EHD1: variants seen among roughly 807,000 people sequenced by gnomAD.
EHD1 encodes the protein EH domain-containing protein 1.
A neutral mutation model predicts 39.0 loss-of-function variants in EHD1; 19 were observed. The observed-to-expected ratio is 0.49, with a 90% CI of 0.34 to 0.72. EHD1 has a LOEUF of 0.72. Ranked by LOEUF, EHD1 falls within the 30% of genes least tolerant of loss-of-function variation. The probability of loss-of-function intolerance (pLI) is 0.01; values close to 1 mark genes in which losing one functional copy is unlikely to be tolerated. For missense variants in EHD1, 542 were observed against 751.5 expected (o/e 0.72, Z 3.26); for synonymous variants, 323 against 331.2 (o/e 0.98, Z 0.27).
chr11:64,865,605 A>C (rs1943759466), intron 2 of EHD1, among the ~76,000 whole-genome samples: 1 of 152,232 alleles, frequency 6.6e-6, no homozygotes, highest in Non-Finnish European at 1.5e-5. Context: ...AGTGAGTAAA[A>C]GCCAGAGCCC....
In EHD1 at chr11:64,854,543, G is replaced by A; in HGVS notation, c.1395C>T (p.Ala465=). 6 of 1,614,172 alleles carry A rather than the reference G, an allele frequency of 3.7e-6. No individual in the cohort carries two copies. The highest frequency in any genetic ancestry group is 5.1e-6 in the Non-Finnish European group (6 of 1,180,004). The change falls in exon 5 of 5, where the codon GCC becomes GCT. Residue 465 remains alanine (A), a synonymous_variant. Coordinates refer to ENST00000320631, the MANE Select transcript of EHD1 (RefSeq NM_006795.4). ...LSPVNGKITG[A]NAKKEMVKSK... ...ACTTCACCATCTCCTTCTTGGCGTT[G>A]GCGCCCGTGATCTTGCCGTTGACAG...
intron 2 of EHD1, among the ~76,000 whole-genome samples, chr11:64,871,305 G>C (rs1169700836): frequency 1.3e-5 from 2 of 152,178 alleles, no homozygotes; most frequent in Non-Finnish European, 1.5e-5. Flanking sequence ...GCAGTAGCAG[G>C]TGGCCAGCCC....
chr11:64,866,292 C>T (rs1416354594), intron 2 of EHD1, among the ~76,000 whole-genome samples: 1 of 152,154 alleles, frequency 6.6e-6, no homozygotes, highest in African/African-American at 2.4e-5. Flanking sequence ...CACCAAATAC[C>T]GCATGTTCTC....
At position 64,878,502 on chromosome 11, in the gene EHD1, G is replaced by A. The variant is rs749775150; in HGVS notation, c.-38C>T. On this transcript the variant is annotated 5_prime_UTR_variant, in exon 1 of 5. Coordinates refer to ENST00000320631, the MANE Select transcript of EHD1 (RefSeq NM_006795.4). ...GGGGCTGGCTGCTGCGGGGCAGAGC[G>A]GCGGCTGAGAGCGGGGCGAGGGTGC... 2 of 1,558,180 alleles carry A rather than the reference G, an allele frequency of 1.3e-6. No individual in the cohort carries two copies. Among genetic ancestry groups the A allele is most frequent in the South Asian group, 2.4e-5 (2 of 83,638 alleles).
chr11:64,860,101 G>A lies in EHD1; in HGVS notation c.738C>T (p.Thr246=), dbSNP rs547652824. The A allele has an allele frequency of 6.2e-7, 1 of 1,614,166 alleles. No homozygotes were observed. The highest frequency in any genetic ancestry group is 2.2e-5 in the East Asian group (1 of 44,884). ...LMWSLGKIIN[T]PEVVRVYIGS... is the part of the protein sequence containing the mutation. ...CGATGTAGACCCTGACCACCTCGGG[G>A]GTGTTGATGATCTTGCCCAGGGACC... The change falls in exon 3 of 5, where the codon ACC becomes ACT. Residue 246 remains threonine (T), a synonymous_variant. Coordinates refer to ENST00000320631, the MANE Select transcript of EHD1 (RefSeq NM_006795.4).
Position 64,878,325 on chromosome 11 carries a change from G to T in EHD1, c.140C>A (p.Ser47Ter). The change falls in exon 1 of 5, where the codon TCG becomes TAG. Residue 47 changes from serine to a stop codon, truncating the protein, a stop_gained. Transcript: ENST00000320631. LOFTEE classifies it high-confidence loss of function. ...EEHYRFHEFH[S>*]PALEDADFDN... ...GAAGTCAGCGTCCTCCAGCGCGGGC[G>T]AGTGGAACTCGTGGAAGCGGTAGTG... 1 of 1,614,164 alleles carries T rather than the reference G, an allele frequency of 6.2e-7. No homozygotes were observed. The highest frequency in any genetic ancestry group is 8.5e-7 in the Non-Finnish European group (1 of 1,180,022).
rs764006187 is a variant in EHD1, at chr11:64,859,877, C to T, written c.915+47G>A. Reference sequence around the variant, plus strand: ...GCCCTGAGTGCCAGTCTCAGAGCCCCATGGCCCTGCCTGGCAATAGGCTGC... The same window carrying T: ...GCCCTGAGTGCCAGTCTCAGAGCCCTATGGCCCTGCCTGGCAATAGGCTGC... On this transcript the variant is annotated intron_variant, in intron 3 of 4. Coordinates refer to ENST00000320631, the MANE Select transcript of EHD1 (RefSeq NM_006795.4). The T allele has an allele frequency of 8.9e-6, 14 of 1,569,644 alleles. No individual in the cohort carries two copies. In the Middle Eastern group the frequency reaches 7.3e-4, roughly 81 times the overall value.
At position 64,854,408 on chromosome 11, in the gene EHD1, G is replaced by A; in HGVS notation, c.1530C>T (p.Val510=). 2 of 1,614,010 alleles carry A rather than the reference G, an allele frequency of 1.2e-6. No individual in the cohort carries two copies. Among genetic ancestry groups the A allele is most frequent in the Non-Finnish European group, 1.7e-6 (2 of 1,179,956 alleles). ...CGGGCAGCTCGTGGCCCTCCAGCTT[G>A]ACCTTGATGAGGTGGTTGGCCAGCG... ...EFALANHLIK[V]KLEGHELPAD... Residue 510 remains valine (V), a synonymous_variant, in exon 5 of 5, where the codon GTC becomes GTT. Transcript: ENST00000320631.
chr11:64,860,073 A>T lies in EHD1; in HGVS notation c.766T>A (p.Ser256Thr), dbSNP rs754012326. Residue 256 changes from serine (S) to threonine (T), a missense_variant, in exon 3 of 5, where the codon TCC becomes ACC. By Grantham distance (58) the Ser-to-Thr change is moderately conservative (BLOSUM62 1). Coordinates refer to ENST00000320631, the MANE Select transcript of EHD1 (RefSeq NM_006795.4). ...TPEVVRVYIG[S>T]FWSHPLLIPD... ...ATGAGGAGCGGGTGGGACCAGAAGG[A>T]GCCGATGTAGACCCTGACCACCTCG... The T allele has an allele frequency of 4.3e-6, 7 of 1,613,986 alleles. No homozygotes were observed. Among genetic ancestry groups the T allele is most frequent in the Non-Finnish European group, 8.5e-7 (1 of 1,180,014 alleles).
intron 2 of EHD1, among the ~76,000 whole-genome samples, chr11:64,865,887 G>A (rs1361702351): frequency 3.3e-5 from 5 of 152,152 alleles, no homozygotes; most frequent in African/African-American, 7.2e-5. Context: ...AGAGAAAAGG[G>A]AACATTTATA....
At chr11:64,879,570 TTTACCATCA>T, upstream of EHD1, 1 of 1,550,554 alleles carries the variant, frequency 6.4e-7, no homozygotes, top group Admixed American at 2.0e-5. Context: ...GTCACCACCA[TTTACCATCA>T]TTTACTGGGA....
chr11:64,875,627 A>G (rs1459092406), intron 1 of EHD1: 1 of 152,318 alleles, frequency 6.6e-6, no homozygotes. Context: ...TCTGTAGGAC[A>G]CAGACTTGAA....
At position 64,854,060 on chromosome 11, in the gene EHD1, G is replaced by A; in HGVS notation, c.*273C>T. 1 of 559,726 alleles carries A rather than the reference G, an allele frequency of 1.8e-6. No homozygotes were observed. Among genetic ancestry groups the A allele is most frequent in the South Asian group, 2.1e-5 (1 of 47,828 alleles). 34.7% of individuals were successfully genotyped at this position (559,726 alleles called of 1,614,324 possible). On this transcript the variant is annotated 3_prime_UTR_variant, in exon 5 of 5. Transcript: ENST00000320631. ...GGGCAGAGGCCGTGCACACAGGGCT[G>A]GCACACAGGGGAGGCGGCGACAAAG...
At chr11:64,866,075 C>T (rs1231620717) in intron 2 of EHD1, among the ~76,000 whole-genome samples, 2 of 152,154 alleles carry the variant, frequency 1.3e-5, no homozygotes, top group Admixed American at 1.3e-4. Flanking sequence ...CATTGCAGCA[C>T]TATTCACGAT....
At chr11:64,860,996 G>T (rs1168714494) in intron 2 of EHD1, among the ~76,000 whole-genome samples, 1 of 147,826 alleles carries the variant, frequency 6.8e-6, no homozygotes, top group Admixed American at 6.8e-5. Context: ...CTCCAGCCTG[G>T]GCAACAGTGT....
intron 2 of EHD1, among the ~76,000 whole-genome samples, chr11:64,872,282 G>A (rs1021831619): frequency 2.0e-5 from 3 of 152,130 alleles, no homozygotes; most frequent in Admixed American, 6.5e-5. Context: ...CCAACATGGC[G>A]AAACCCCATA....
In EHD1 at chr11:64,867,485, G is replaced by A. The variant is rs537434544; in HGVS notation, c.502+6936C>T. 1.9e-4 allele frequency among the ~76,000 whole-genome samples: 28 copies of A among 151,266 alleles called. 1 individual carries two copies. Among genetic ancestry groups the A allele is most frequent in the East Asian group, 1.9e-4 (1 of 5,130 alleles). ...AGCAATCCCAGCACTTTGGGAGGCC[G>A]AGGTGGGCGAATCACCTGAGGTCAA... On this transcript the variant is annotated intron_variant, in intron 2 of 4. Coordinates refer to ENST00000320631, the MANE Select transcript of EHD1 (RefSeq NM_006795.4).
At chr11:64,864,814 G>A (rs1431265771) in intron 2 of EHD1, among the ~76,000 whole-genome samples, 1 of 152,168 alleles carries the variant, frequency 6.6e-6, no homozygotes, top group Non-Finnish European at 1.5e-5. Flanking sequence ...TGTTAGCTTT[G>A]GCCTGGGAGT....
At chr11:64,857,236 T>C (rs1943663022) in intron 3 of EHD1, among the ~76,000 whole-genome samples, 1 of 151,924 alleles carries the variant, frequency 6.6e-6, no homozygotes, top group Non-Finnish European at 1.5e-5. Flanking sequence ...ACCAGCCTGA[T>C]CAACATGGTG....
Sources: gnomAD v4.1 joint callset for allele counts (sites outside exome capture counted in the v4.1 genomes callset) on GRCh38, gnomAD v4.1.1 for gene constraint, MANE v1.5 for transcripts, NCBI Gene and HGNC (gene_info 2026-07-23, HGNC 2026-07-21) for gene names.